DDB1: variants seen among roughly 807,000 people sequenced by gnomAD.
The protein encoded by DDB1 is DNA damage-binding protein 1.
Under a neutral mutation model 133.1 loss-of-function variants are expected in DDB1, and 18 were observed. The ratio of observed to expected loss-of-function variants is 0.14; its 90% CI spans 0.09 to 0.20. The LOEUF (loss-of-function observed/expected upper bound fraction) is 0.20. DDB1 is among the 10% of genes least tolerant of loss of function. DDB1 has a pLI of 1.00. For missense variants in DDB1, 828 were observed against 1,459.2 expected, an observed-to-expected ratio of 0.57 and a Z score of 7.05; for synonymous variants, 580 against 550.5, an observed-to-expected ratio of 1.05 and a Z score of -0.75.
Position 61,310,276 on chromosome 11 carries a change from C to G in DDB1, c.2401+19G>C. On this transcript the variant is annotated intron_variant, in intron 19 of 26. Transcript: ENST00000301764. ...TAGGGAGGGCGTAGATAAAAATTAT[C>G]GAAAGAGCTCATGTGCACCTTCAAA... 10 of 1,598,222 alleles carry G rather than the reference C, an allele frequency of 6.3e-6. No homozygotes were observed. Among genetic ancestry groups the G allele is most frequent in the African/African-American group, 1.3e-5 (1 of 74,502 alleles).
rs1344103922 is a variant in DDB1, at chr11:61,331,530, C to A, written c.210+13G>T. On this transcript the variant is annotated intron_variant, in intron 2 of 26. Coordinates refer to ENST00000301764, the MANE Select transcript of DDB1 (RefSeq NM_001923.5). ...GTTCCCCCTCCACTGCTTGTCCCAA[C>A]TGCAACACTTACCTTGGGCCTGAAA... is the stretch of plus-strand genomic sequence containing the variant. The A allele has an allele frequency of 6.2e-7, 1 of 1,612,070 alleles. No homozygotes were observed. Among genetic ancestry groups the A allele is most frequent in the African/African-American group, 1.3e-5 (1 of 74,912 alleles).
intron 12 of DDB1, 62 bp downstream of exon 12, chr11:61,316,223 T>C: frequency 2.1e-6 from 3 of 1,429,442 alleles, no homozygotes; most frequent in Non-Finnish European, 2.9e-6. Flanking sequence ...CCAGTGGTGC[T>C]CTGTACTGCA....
intron 20 of DDB1, 98 bp from the exon 21 acceptor site, chr11:61,309,175 C>T (rs1855921300): frequency 4.5e-6 from 5 of 1,116,938 alleles, no homozygotes; most frequent in Non-Finnish European, 6.7e-6. Context: ...TTCTTGCCCC[C>T]CAAAACCACT....
chr11:61,309,671 G>A, intron 20 of DDB1, 125 bp downstream of exon 20: 1 of 940,820 alleles, frequency 1.1e-6, no homozygotes, highest in Non-Finnish European at 1.6e-6. Flanking sequence ...GAAGAGAATA[G>A]CTCTTTACAG....
rs940633503 is a variant in DDB1, at chr11:61,333,101, A to T, written c.-133T>A. ...TGCCTCCGCCCCAGAGACACGTTGC[A>T]GGCCAGAGCGGCCGGGGCGCGGGGC... On this transcript the variant is annotated 5_prime_UTR_variant, in exon 1 of 27. Transcript: ENST00000301764. The T allele has an allele frequency of 1.1e-5, 9 of 803,754 alleles. No individual in the cohort carries two copies. Among genetic ancestry groups the T allele is most frequent in the African/African-American group, 1.8e-5 (1 of 55,184 alleles). The allele number at this position is 803,754 out of a possible 1,614,324, so 49.8% of individuals were successfully genotyped here.
intron 10 of DDB1, among the ~76,000 whole-genome samples, chr11:61,319,133 G>C (rs1590693017): frequency 6.6e-6 from 1 of 152,158 alleles, no homozygotes; most frequent in Admixed American, 6.5e-5. Flanking sequence ...TTGAACCCAG[G>C]ATATTGAGGC....
chr11:61,323,192 C>CT (rs1856213486), intron 7 of DDB1, 98 bp from the exon 8 acceptor site: 4 of 914,826 alleles, frequency 4.4e-6, no homozygotes, highest in Non-Finnish European at 7.1e-6. Context: ...AAACTCCCAA[C>CT]TGCAGCCATA....
Position 61,323,988 on chromosome 11 carries a change from G to C in DDB1, c.912C>G (p.Leu304=). ...TVTLKDLRVE[L]LGETSIAECL... ...GGAGAACAAGCTCTACCTCTCCAAG[G>C]AGTTCTACACGGAGATCCTTGAGAG... The change falls in exon 7 of 27, where the codon CTC becomes CTG. Residue 304 remains leucine (L), a synonymous_variant. Transcript: ENST00000301764. 1 of 1,614,084 alleles carries C rather than the reference G, an allele frequency of 6.2e-7. No individual in the cohort carries two copies. The highest frequency in any genetic ancestry group is 8.5e-7 in the Non-Finnish European group (1 of 1,180,012).
intron 23 of DDB1, 24 bp downstream of exon 23, chr11:61,303,022 C>T (rs376434790): frequency 4.3e-5 from 69 of 1,603,812 alleles, no homozygotes; most frequent in Non-Finnish European, 5.8e-5. Context: ...CTCCCCACCA[C>T]TCCCAGAGCT....
rs570456165 is a variant in DDB1 at position 61,317,207 on chromosome 11, G to C, written c.1226-640C>G. 2.4e-4 allele frequency among the ~76,000 whole-genome samples: 37 copies of C among 151,734 alleles called. 1 individual carries two copies. The highest frequency in any genetic ancestry group is 8.7e-4 in the African/African-American group (36 of 41,424). On this transcript the variant is annotated intron_variant, in intron 10 of 26. Coordinates refer to ENST00000301764, the MANE Select transcript of DDB1 (RefSeq NM_001923.5). ...CAGCTCACTGCAAGCTCCACCTCCC[G>C]GGTTCACACCATTCTCCTGCCTCAG...
intron 26 of DDB1, 62 bp from the exon 27 acceptor site, chr11:61,300,281 A>G (rs1855771772): frequency 6.5e-7 from 1 of 1,530,812 alleles, no homozygotes; most frequent in Non-Finnish European, 9.0e-7. Flanking sequence ...CAGGTGGGGA[A>G]GGGAATGCCC....
rs999468131 is a variant in DDB1, at chr11:61,326,702, G to A, written c.664+77C>T. 8.0e-6 allele frequency: 9 copies of A among 1,130,898 alleles called. No homozygotes were observed. In the Admixed American group the frequency reaches 1.3e-4, roughly 17 times the overall value. 70.1% of individuals were successfully genotyped at this position (1,130,898 alleles called of 1,614,324 possible). A position where few individuals can be genotyped will look rare whatever the true frequency, so the allele number is the denominator to read the frequency against. The stretch of plus-strand genomic sequence containing the variant: ...ACCGAGCGCCAAAACGAAGGGCAGA[G>A]AAGGTGAGGGAGCGAACAAGAACAG... On this transcript the variant is annotated intron_variant, in intron 5 of 26. Coordinates refer to ENST00000301764, the MANE Select transcript of DDB1 (RefSeq NM_001923.5).
In DDB1 at chr11:61,323,185, C is replaced by T. The variant is rs993081590; in HGVS notation, c.922-91G>A. 14 of 981,480 alleles carry T rather than the reference C, an allele frequency of 1.4e-5. No homozygotes were observed. The South Asian group carries it at 1.9e-4, about 13-fold the overall frequency. 60.8% of individuals were successfully genotyped at this position (981,480 alleles called of 1,614,324 possible). On this transcript the variant is annotated intron_variant, in intron 7 of 26. Coordinates refer to ENST00000301764, the MANE Select transcript of DDB1 (RefSeq NM_001923.5). ...ACATCTCAGACATCTGCTGAGAAAA[C>T]TCCCAACTGCAGCCATAATTCAGAA...
chr11:61,331,257 A>G (rs1856361626), intron 2 of DDB1, among the ~76,000 whole-genome samples: 1 of 152,178 alleles, frequency 6.6e-6, no homozygotes, highest in African/African-American at 2.4e-5. Flanking sequence ...CTATCCAAAG[A>G]GAGAAAAAAG....
chr11:61,301,168 C>A, intron 25 of DDB1: 1 of 531,726 alleles, frequency 1.9e-6, no homozygotes, highest in South Asian at 2.2e-5. Flanking sequence ...AAGTACAGAT[C>A]AGAGTCTATT....
At chr11:61,321,940 C>A in intron 9 of DDB1, 1 of 551,014 alleles carries the variant, frequency 1.8e-6, no homozygotes. Context: ...GCTTAGATCG[C>A]TGGGACCTAG....
At chr11:61,314,541 G>C (rs765104102) in intron 12 of DDB1, 55 bp from the exon 13 acceptor site, 273 of 1,527,766 alleles carry the variant, frequency 1.8e-4, no homozygotes, top group Non-Finnish European at 2.3e-4. Flanking sequence ...GGTCCACACA[G>C]GAGTGGAAAG....
chr11:61,320,002 T>C (rs1377260981), intron 10 of DDB1, among the ~76,000 whole-genome samples: 1 of 140,736 alleles, frequency 7.1e-6, no homozygotes, highest in Non-Finnish European at 1.5e-5. Flanking sequence ...CATTTTCTTG[T>C]TATGGTAAAT....
In DDB1 at chr11:61,300,104, G is replaced by A; in HGVS notation, c.*32C>T. The A allele has an allele frequency of 6.2e-7, 1 of 1,609,128 alleles. No homozygotes were observed. Among genetic ancestry groups the A allele is most frequent in the Non-Finnish European group, 8.5e-7 (1 of 1,175,968 alleles). On this transcript the variant is annotated 3_prime_UTR_variant, in exon 27 of 27. Transcript: ENST00000301764. ...GAGGGCAGCAGGGCAAAGCCTTTGG[G>A]GAGGGTCAGCAAAGGGGCCCCCTGC...
Sources: allele counts gnomAD v4.1 joint callset (sites outside exome capture counted in the v4.1 genomes callset), GRCh38; gene constraint gnomAD v4.1.1; transcripts MANE v1.5; gene names NCBI Gene and HGNC (gene_info 2026-07-23, HGNC 2026-07-21).